PPA1: variants seen among roughly 807,000 people sequenced by gnomAD.
PPA1 encodes inorganic pyrophosphatase.
In PPA1, 23 loss-of-function variants were observed where a neutral mutation model predicts 41.8. That is an observed-to-expected ratio of 0.55 (90% CI 0.40 to 0.78). The LOEUF is 0.78. Ranked by LOEUF, PPA1 falls within the 30% of genes least tolerant of loss-of-function variation. The pLI, the probability that PPA1 is intolerant of heterozygous loss-of-function variation, is 0.00. For synonymous variants in PPA1, 101 were observed against 116.8 expected, an observed-to-expected ratio of 0.86 and a Z score of 0.87; for missense variants, 320 against 361.6, an observed-to-expected ratio of 0.89 and a Z score of 0.93.
chr10:70,221,555 C>T (rs1029257279), intron 2 of PPA1, among the ~76,000 whole-genome samples: 1 of 152,086 alleles, frequency 6.6e-6, no homozygotes, highest in Non-Finnish European at 1.5e-5. Context: ...GGTAGAAAAC[C>T]TCAGAACCAA....
chr10:70,230,230 A>T (rs1265154598), intron 2 of PPA1, 111 bp downstream of exon 2: 1 of 1,281,540 alleles, frequency 7.8e-7, no homozygotes, highest in Non-Finnish European at 1.1e-6. Flanking sequence ...CCTTTAGCTC[A>T]CAGCACAACG....
chr10:70,220,799 AAT>A (rs1222176799), intron 2 of PPA1, among the ~76,000 whole-genome samples: 1 of 1,834 alleles, frequency 5.5e-4, no homozygotes. Context: ...ATATATATAT[AAT>A]ATATATAATT....
chr10:70,232,861 C>CT (rs1564587576), intron 1 of PPA1, among the ~76,000 whole-genome samples: 1 of 152,100 alleles, frequency 6.6e-6, no homozygotes, highest in African/African-American at 2.4e-5. Flanking sequence ...ACTGCCCCCC[C>CT]CGGCCCGGAG....
intron 10 of PPA1, chr10:70,204,645 A>G (rs1010964561): frequency 1.4e-5 from 6 of 432,126 alleles, no homozygotes; most frequent in Non-Finnish European, 2.5e-5. Flanking sequence ...AATTGCTAAG[A>G]GTAGATTTCA....
At chr10:70,206,227 C>T (rs1320616314) in intron 9 of PPA1, 37 bp downstream of exon 9, 1 of 1,512,966 alleles carries the variant, frequency 6.6e-7, no homozygotes, top group Non-Finnish European at 9.1e-7. Flanking sequence ...TTTTTAGCAA[C>T]CAGGCTTGTT....
rs1017944466 is a variant in PPA1 at position 70,208,970 on chromosome 10, T to G, written c.725+235A>C. ...CACCATGCCCAGCTAATTTTTGTAC[T>G]TTTTGTAGAGACAGGGTTTTTCCAT... is the stretch of plus-strand genomic sequence containing the variant. On this transcript the variant is annotated intron_variant, in intron 8 of 10. Coordinates refer to ENST00000373232, the MANE Select transcript of PPA1 (RefSeq NM_021129.4). Among the ~76,000 whole-genome samples, 3 of 152,096 alleles carry G rather than the reference T, an allele frequency of 2.0e-5. No individual in the cohort carries two copies. In the East Asian group the frequency reaches 5.8e-4, roughly 29 times the overall value.
At chr10:70,218,951 C>A (rs1840106212) in intron 2 of PPA1, 134 bp from the exon 3 acceptor site, 17 of 649,354 alleles carry the variant, frequency 2.6e-5, no homozygotes, top group Middle Eastern at 2.5e-4. Flanking sequence ...CAACAAAATG[C>A]ATCAAAAAAA....
At chr10:70,212,415 CA>C (rs1408347340) in intron 6 of PPA1, among the ~76,000 whole-genome samples, 13 of 152,088 alleles carry the variant, frequency 8.5e-5, no homozygotes, top group African/African-American at 3.1e-4. Context: ...ATTACACAGC[CA>C]AAACAACCCA....
At chr10:70,218,895 A>T in intron 2 of PPA1, 78 bp from the exon 3 acceptor site, 1 of 1,008,232 alleles carries the variant, frequency 9.9e-7, no homozygotes, top group East Asian at 2.5e-5. Context: ...TTTCTTCCAA[A>T]GTCAAACTGT....
At chr10:70,221,024 T>A (rs1485113307) in intron 2 of PPA1, among the ~76,000 whole-genome samples, 1 of 70,938 alleles carries the variant, frequency 1.4e-5, no homozygotes, top group African/African-American at 6.9e-5. Flanking sequence ...AATTTATATA[T>A]ATAATATATA....
rs773493837 is a variant in PPA1, at chr10:70,209,186, G to A, written c.725+19C>T. Reference sequence around the variant, plus strand: ...CTGGTCTGCTTTGTGTGTTAAACATGCAAAGTGTTTACACTTACCAACTGA... The same window carrying A: ...CTGGTCTGCTTTGTGTGTTAAACATACAAAGTGTTTACACTTACCAACTGA... On this transcript the variant is annotated intron_variant, in intron 8 of 10. Coordinates refer to ENST00000373232, the MANE Select transcript of PPA1 (RefSeq NM_021129.4). 6.6e-7 allele frequency: 1 copy of A among 1,524,554 alleles called. No individual in the cohort carries two copies. The highest frequency in any genetic ancestry group is 1.1e-5 in the South Asian group (1 of 88,810). 94.4% of individuals were successfully genotyped at this position (1,524,554 alleles called of 1,614,324 possible). A position where few individuals can be genotyped will look rare whatever the true frequency, so the allele number is the denominator to read the frequency against.
At position 70,220,239 on chromosome 10, in the gene PPA1, G is replaced by A. The variant is rs546725055; in HGVS notation, c.124-1422C>T. Among the ~76,000 whole-genome samples, 4 of 140,740 alleles carry A rather than the reference G, an allele frequency of 2.8e-5. No individual in the cohort carries two copies. In the East Asian group the frequency reaches 8.5e-4, roughly 30 times the overall value. 92.3% of individuals were successfully genotyped at this position (140,740 alleles called of 152,430 possible). A position where few individuals can be genotyped will look rare whatever the true frequency, so the allele number is the denominator to read the frequency against. On this transcript the variant is annotated intron_variant, in intron 2 of 10. Transcript: ENST00000373232. ...GCCACCGCACCTGGCCTGCAATTAT[G>A]CTTATAAAAAGTACTTTTTTTTTTT...
rs1840144564 is a variant in PPA1 at position 70,220,820 on chromosome 10, T to TAATATATATA, written c.124-2004_124-2003insTATATATATT. Among the ~76,000 whole-genome samples, 2 of 45,956 alleles carry TAATATATATA rather than the reference T, an allele frequency of 4.4e-5. 1 individual carries two copies. Among genetic ancestry groups the TAATATATATA allele is most frequent in the Non-Finnish European group, 7.0e-5 (2 of 28,418 alleles). 30.1% of individuals were successfully genotyped at this position (45,956 alleles called of 152,430 possible). Reference sequence around the variant, plus strand: ...ATATAATATATATAATTTTTATATATATTATATATATAATTTTTATATATA... The same window carrying TAATATATATA: ...ATATAATATATATAATTTTTATATATAATATATATAATTATATATATAATTTTTATATATA... On this transcript the variant is annotated intron_variant, in intron 2 of 10. Coordinates refer to ENST00000373232, the MANE Select transcript of PPA1 (RefSeq NM_021129.4).
Position 70,209,546 on chromosome 10 carries a change from A to G in PPA1, c.639+12T>C. The G allele has an allele frequency of 6.3e-7, 1 of 1,588,700 alleles. No homozygotes were observed. The highest frequency in any genetic ancestry group is 8.5e-7 in the Non-Finnish European group (1 of 1,173,590). Reference sequence around the variant, plus strand: ...AATGAGCCTAAAGCTACAGTTCTGAATGACATATTACCTTATCTTTAAATT... The same window carrying G: ...AATGAGCCTAAAGCTACAGTTCTGAGTGACATATTACCTTATCTTTAAATT... On this transcript the variant is annotated intron_variant, in intron 7 of 10. Coordinates refer to ENST00000373232, the MANE Select transcript of PPA1 (RefSeq NM_021129.4).
rs11310336 is a variant in PPA1, at chr10:70,221,076, ATTTTTTT to A, written c.124-2266_124-2260del. ...ATATAATTTATATATATATATATATATTTTTTTTTTTTTTTTTTTGTAGAGATGGAGC... is the reference window on the plus strand; with the variant it reads ...ATATAATTTATATATATATATATATATTTTTTTTTTTTGTAGAGATGGAGC... On this transcript the variant is annotated intron_variant, in intron 2 of 10. Transcript: ENST00000373232. Among the ~76,000 whole-genome samples, 84 of 40,028 alleles carry A rather than the reference ATTTTTTT, an allele frequency of 2.1e-3. 2 individuals carry two copies. The highest frequency in any genetic ancestry group is 0.01 in the East Asian group (14 of 1,386). 26.3% of individuals were successfully genotyped at this position (40,028 alleles called of 152,430 possible). A position where few individuals can be genotyped will look rare whatever the true frequency, so the allele number is the denominator to read the frequency against.
chr10:70,223,019 T>G (rs771708152), intron 2 of PPA1, among the ~76,000 whole-genome samples: 8 of 152,054 alleles, frequency 5.3e-5, no homozygotes, highest in Non-Finnish European at 1.2e-4. Context: ...AACTCATCAT[T>G]TTTTATGCAT....
chr10:70,229,832 ACTC>A (rs888991023), intron 2 of PPA1, among the ~76,000 whole-genome samples: 1 of 151,364 alleles, frequency 6.6e-6, no homozygotes. Flanking sequence ...TTTTGCTTTT[ACTC>A]CTCCTCTCCT....
At chr10:70,224,246 CAA>C (rs58480019) in intron 2 of PPA1, among the ~76,000 whole-genome samples, 143 of 69,460 alleles carry the variant, frequency 2.1e-3, no homozygotes, top group African/African-American at 5.7e-3. Flanking sequence ...CCTGTCTCTA[CAA>C]AAAAAAAAAA....
chr10:70,220,656 TATTATATATAATTTATATATATATAATA>T lies in PPA1; in HGVS notation c.124-1867_124-1840del, dbSNP rs1564584122. 4.6e-3 allele frequency among the ~76,000 whole-genome samples: 17 copies of T among 3,702 alleles called. 1 individual carries two copies. Among genetic ancestry groups the T allele is most frequent in the African/African-American group, 0.019 (15 of 792 alleles). 2.4% of individuals were successfully genotyped at this position (3,702 alleles called of 152,430 possible). A position where few individuals can be genotyped will look rare whatever the true frequency, so the allele number is the denominator to read the frequency against. The stretch of plus-strand genomic sequence containing the variant: ...ATATAATATATATAATTTATATATA[TATTATATATAATTTATATATATATAATA>T]TATATAATTTATATATATATAATAT... On this transcript the variant is annotated intron_variant, in intron 2 of 10. Coordinates refer to ENST00000373232, the MANE Select transcript of PPA1 (RefSeq NM_021129.4).
Sources: allele counts gnomAD v4.1 joint callset (sites outside exome capture counted in the v4.1 genomes callset), GRCh38; gene constraint gnomAD v4.1.1; transcripts MANE v1.5; gene names NCBI Gene and HGNC (gene_info 2026-07-23, HGNC 2026-07-21).